SYN3: variants seen among roughly 807,000 people sequenced by gnomAD.
SYN3 encodes the protein synapsin III.
Under a neutral mutation model 65.8 loss-of-function variants are expected in SYN3, and 35 were observed. That is an observed-to-expected ratio of 0.53 (90% CI 0.41 to 0.70). The LOEUF is 0.70. Ranked by LOEUF, SYN3 falls within the 30% of genes least tolerant of loss-of-function variation. SYN3 has a pLI of 0.00. For synonymous variants in SYN3, 270 were observed against 292.9 expected, an observed-to-expected ratio of 0.92 and a Z score of 0.80; for missense variants, 680 against 749.0, an observed-to-expected ratio of 0.91 and a Z score of 1.08.
chr22:32,605,349 T>A (rs1459504732), intron 6 of SYN3, among the ~76,000 whole-genome samples: 1 of 152,052 alleles, frequency 6.6e-6, no homozygotes. Context: ...GAGTTTGAAC[T>A]GTGTTTCATG....
chr22:32,934,587 C>T (rs578115560), intron 3 of SYN3, among the ~76,000 whole-genome samples: 27 of 152,296 alleles, frequency 1.8e-4, no homozygotes, highest in African/African-American at 6.0e-4. Flanking sequence ...CAGAGGTGTC[C>T]AAACCACCTT....
intron 12 of SYN3, among the ~76,000 whole-genome samples, chr22:32,524,781 C>T (rs551418572): frequency 1.6e-4 from 25 of 152,198 alleles, no homozygotes; most frequent in Non-Finnish European, 3.2e-4. Flanking sequence ...GAGGCCGAGG[C>T]GGGTGGCTCA....
intron 3 of SYN3, among the ~76,000 whole-genome samples, chr22:32,954,421 A>G (rs1200618093): frequency 6.6e-6 from 1 of 151,734 alleles, no homozygotes; most frequent in African/African-American, 2.4e-5. Flanking sequence ...GATAGGGCAA[A>G]TGTTCAGAGA....
intron 6 of SYN3, among the ~76,000 whole-genome samples, chr22:32,854,629 C>T (rs1439966831): frequency 2.0e-5 from 3 of 152,166 alleles, no homozygotes; most frequent in Non-Finnish European, 2.9e-5. Flanking sequence ...TACAGCAGCA[C>T]GCTTAAACAT....
rs2057684858 is a variant in SYN3 at position 32,510,985 on chromosome 22, G to A, written c.*2707C>T. Among the ~76,000 whole-genome samples the A allele has an allele frequency of 3.3e-5, 2 of 60,976 alleles. No homozygotes were observed. The highest frequency in any genetic ancestry group is 3.9e-4 in the South Asian group (1 of 2,544). The allele number at this position is 60,976 out of a possible 152,430, so 40.0% of individuals were successfully genotyped here. On this transcript the variant is annotated 3_prime_UTR_variant, in exon 14 of 14. Coordinates refer to ENST00000358763, the MANE Select transcript of SYN3 (RefSeq NM_003490.4). The stretch of plus-strand genomic sequence containing the variant: ...GTCAATTCCAAGTTATTGTCCAGGC[G>A]TGTGTGTGTGTGTGTGTGTGTGTGT...
At chr22:32,710,359 G>C (rs1335280997) in intron 6 of SYN3, among the ~76,000 whole-genome samples, 1 of 151,516 alleles carries the variant, frequency 6.6e-6, no homozygotes, top group African/African-American at 2.4e-5. Flanking sequence ...GGCTGGGTGC[G>C]GTGGCTCATG....
chr22:33,036,312 ACCAGAATACGCTATC>A (rs2053858640), intron 1 of SYN3, among the ~76,000 whole-genome samples: 1 of 152,120 alleles, frequency 6.6e-6, no homozygotes, highest in Non-Finnish European at 1.5e-5. Flanking sequence ...GTCATAGGGG[ACCAGAATACGCTATC>A]CCAAAATATA....
At chr22:32,941,608 A>G in intron 3 of SYN3, among the ~76,000 whole-genome samples, 1 of 152,336 alleles carries the variant, frequency 6.6e-6, no homozygotes, top group African/African-American at 2.4e-5. Context: ...GGGGCAGGAC[A>G]GTCGGTGCAG....
chr22:32,528,810 C>G, intron 11 of SYN3, 64 bp downstream of exon 11: 1 of 1,603,182 alleles, frequency 6.2e-7, no homozygotes, highest in Non-Finnish European at 8.5e-7. Flanking sequence ...CAGGGGCTCC[C>G]CATTTCCAGA....
chr22:32,841,787 A>G (rs1256994373), intron 6 of SYN3, among the ~76,000 whole-genome samples: 2 of 152,196 alleles, frequency 1.3e-5, no homozygotes, highest in South Asian at 2.1e-4. Context: ...ACTATGGTAC[A>G]TGTTTACCTT....
intron 7 of SYN3, among the ~76,000 whole-genome samples, chr22:32,594,494 T>C (rs1009478742): frequency 4.3e-5 from 3 of 69,706 alleles, no homozygotes; most frequent in African/African-American, 1.0e-4. Flanking sequence ...TTTTCTTTTC[T>C]TTTTTTTTTT....
At chr22:32,696,132 G>A (rs2060733386) in intron 6 of SYN3, among the ~76,000 whole-genome samples, 1 of 152,214 alleles carries the variant, frequency 6.6e-6, no homozygotes, top group Admixed American at 6.5e-5. Flanking sequence ...ATGCCATATG[G>A]TGAGTCAGAG....
chr22:32,694,741 A>G (rs1350052287), intron 6 of SYN3, among the ~76,000 whole-genome samples: 3 of 152,190 alleles, frequency 2.0e-5, no homozygotes, highest in Non-Finnish European at 4.4e-5. Flanking sequence ...CCAATCCTCT[A>G]TGGATACTGA....
chr22:33,056,900 G>A (rs1167657191), intron 1 of SYN3, among the ~76,000 whole-genome samples: 1 of 152,220 alleles, frequency 6.6e-6, no homozygotes, highest in African/African-American at 2.4e-5. Context: ...CAGGCAGAGG[G>A]GAAGGGCACA....
At chr22:32,962,132 T>C (rs893130392) in intron 3 of SYN3, among the ~76,000 whole-genome samples, 9 of 93,482 alleles carry the variant, frequency 9.6e-5, no homozygotes, top group Non-Finnish European at 1.1e-4. Flanking sequence ...AGAATCTCTT[T>C]TTTTTTTTTT....
At chr22:33,034,883 C>T (rs2053824187) in intron 1 of SYN3, among the ~76,000 whole-genome samples, 1 of 152,096 alleles carries the variant, frequency 6.6e-6, no homozygotes. Flanking sequence ...CTGCCCGGCC[C>T]TTGTGTCTCC....
intron 6 of SYN3, among the ~76,000 whole-genome samples, chr22:32,728,330 C>T (rs2061225028): frequency 1.3e-5 from 2 of 152,246 alleles, no homozygotes. Flanking sequence ...CCAGCTTCAT[C>T]TCCCATCATG....
chr22:32,892,647 A>T (rs241892), intron 4 of SYN3, among the ~76,000 whole-genome samples: 149,449 of 152,304 alleles, frequency 0.98, 73,334 homozygotes, highest in East Asian at 1. Context: ...TAGGAATTCA[A>T]TTCTGCTAGG....
intron 6 of SYN3, among the ~76,000 whole-genome samples, chr22:32,611,141 A>G (rs1449239036): frequency 2.0e-5 from 3 of 152,172 alleles, no homozygotes; most frequent in African/African-American, 7.2e-5. Context: ...AATTTTTAAC[A>G]TTTGGGAAGA....
Sources: allele counts gnomAD v4.1 joint callset (sites outside exome capture counted in the v4.1 genomes callset), GRCh38; gene constraint gnomAD v4.1.1; transcripts MANE v1.5; gene names NCBI Gene and HGNC (gene_info 2026-07-23, HGNC 2026-07-21).